The following SYNPR variants were observed in gnomAD, a reference collection of about 807,000 sequenced individuals.
SYNPR encodes the protein synaptoporin.
SYNPR carries 23 observed loss-of-function variants against 32.9 expected under a neutral mutation model. That is an observed-to-expected ratio of 0.70 (90% CI 0.50 to 0.99). SYNPR has a LOEUF of 0.99. Ranked by LOEUF, SYNPR falls within the 50% of genes least tolerant of loss-of-function variation. The pLI is 0.00. For synonymous variants in SYNPR, 146 were observed against 135.9 expected (o/e 1.07, Z -0.52); for missense variants, 318 against 349.3 (o/e 0.91, Z 0.71).
intron 4 of SYNPR, among the ~76,000 whole-genome samples, chr3:63,595,835 ATATATATAGTTT>A (rs1258885166): frequency 1.4e-5 from 1 of 73,136 alleles, no homozygotes; most frequent in Non-Finnish European, 2.5e-5. Context: ...ATATATAGTT[ATATATATAGTTT>A]TATATATATA....
In SYNPR at chr3:63,557,279, G is replaced by A. The variant is rs559243898; in HGVS notation, c.408+538G>A. ...CTAGGGGGACACAAAACCTCTAAGA[G>A]GGTACCTAGGCATAGATAATTTTAA... On this transcript the variant is annotated intron_variant, in intron 4 of 5. Transcript: ENST00000478300. 1.3e-4 allele frequency among the ~76,000 whole-genome samples: 20 copies of A among 152,194 alleles called. No homozygotes were observed. The South Asian group carries it at 3.3e-3, about 25-fold the overall frequency.
intron 2 of SYNPR, among the ~76,000 whole-genome samples, chr3:63,410,093 C>T (rs1461834940): frequency 6.6e-6 from 1 of 152,178 alleles, no homozygotes; most frequent in Non-Finnish European, 1.5e-5. Context: ...GTTAACACAG[C>T]TTCACCTTGC....
chr3:63,519,451 C>T (rs1033698065), intron 3 of SYNPR, among the ~76,000 whole-genome samples: 5 of 152,036 alleles, frequency 3.3e-5, no homozygotes, highest in African/African-American at 9.7e-5. Flanking sequence ...TCTTTTGTTC[C>T]CTGAGTTCCC....
chr3:63,531,151 A>G (rs905679256), intron 3 of SYNPR, among the ~76,000 whole-genome samples: 11 of 152,170 alleles, frequency 7.2e-5, no homozygotes, highest in African/African-American at 2.7e-4. Context: ...AGACTGTCAC[A>G]AGTATCAACA....
chr3:63,206,998 A>T, the SYNPR span, among the ~76,000 whole-genome samples: 3 of 152,346 alleles, frequency 2.0e-5, no homozygotes, highest in East Asian at 5.8e-4. Flanking sequence ...GTTGACGTGC[A>T]TGCATAAAGA....
the SYNPR span, among the ~76,000 whole-genome samples, chr3:63,216,789 G>A: frequency 1.6e-4 from 8 of 49,886 alleles, 3 homozygotes; most frequent in Admixed American, 7.0e-4. Context: ...GGTGCTCTGC[G>A]TTTTAGAGTT....
At chr3:63,415,707 T>C (rs1220568979) in intron 2 of SYNPR, among the ~76,000 whole-genome samples, 2 of 152,234 alleles carry the variant, frequency 1.3e-5, no homozygotes, top group Non-Finnish European at 2.9e-5. Flanking sequence ...TGGTGTAAGT[T>C]GCAAACACAA....
At chr3:63,250,447 A>C (rs974067029) in intron 1 of SYNPR, among the ~76,000 whole-genome samples, 3 of 152,184 alleles carry the variant, frequency 2.0e-5, no homozygotes, top group African/African-American at 7.2e-5. Context: ...TGCCTGCTAT[A>C]TACCAGGCAC....
At chr3:63,245,741 A>ATG (rs61623224) in intron 1 of SYNPR, among the ~76,000 whole-genome samples, 194 of 86,958 alleles carry the variant, frequency 2.2e-3, no homozygotes, top group East Asian at 7.3e-3. Flanking sequence ...GTGTGTGTGT[A>ATG]TGTGTGTGTG....
At chr3:63,506,682 G>C (rs150902966) in intron 3 of SYNPR, among the ~76,000 whole-genome samples, 1 of 152,066 alleles carries the variant, frequency 6.6e-6, no homozygotes. Context: ...ATCTTTTAAC[G>C]TCACACAATT....
intron 2 of SYNPR, among the ~76,000 whole-genome samples, chr3:63,355,861 G>A (rs920938580): frequency 3.9e-5 from 6 of 152,094 alleles, no homozygotes; most frequent in East Asian, 1.9e-4. Context: ...CATTGCACAC[G>A]TTCTCTTAAC....
chr3:63,555,275 A>C (rs1702575546), intron 3 of SYNPR, among the ~76,000 whole-genome samples: 1 of 151,552 alleles, frequency 6.6e-6, no homozygotes, highest in South Asian at 2.1e-4. Flanking sequence ...TTGTTTAGTA[A>C]GAAAAATACT....
intron 1 of SYNPR, among the ~76,000 whole-genome samples, chr3:63,231,395 T>A (rs932843304): frequency 1.3e-5 from 2 of 152,112 alleles, no homozygotes; most frequent in Non-Finnish European, 2.9e-5. Flanking sequence ...GCTCAGGTGA[T>A]GGGTGCACCA....
chr3:63,243,015 A>G (rs1431418431), intron 1 of SYNPR, among the ~76,000 whole-genome samples: 1 of 152,062 alleles, frequency 6.6e-6, no homozygotes, highest in Non-Finnish European at 1.5e-5. Flanking sequence ...TATAGATCCA[A>G]GGTAATGACC....
chr3:63,596,584 T>C (rs953613242), intron 4 of SYNPR, among the ~76,000 whole-genome samples: 3 of 151,944 alleles, frequency 2.0e-5, no homozygotes, highest in Non-Finnish European at 4.4e-5. Context: ...GGCCCAAGCC[T>C]CCCTTTGGTC....
intron 2 of SYNPR, among the ~76,000 whole-genome samples, chr3:63,254,662 A>G (rs1424105071): frequency 6.6e-6 from 1 of 152,146 alleles, no homozygotes; most frequent in African/African-American, 2.4e-5. Context: ...GGTCTGTCAT[A>G]TGCATTATAG....
chr3:63,334,559 G>GTGT (rs1191395038), intron 2 of SYNPR, among the ~76,000 whole-genome samples: 12 of 140,964 alleles, frequency 8.5e-5, no homozygotes, highest in African/African-American at 2.2e-4. Context: ...TGTGTGTGTG[G>GTGT]ACACACGTGG....
intron 3 of SYNPR, among the ~76,000 whole-genome samples, chr3:63,522,327 G>A (rs1435363229): frequency 1.3e-5 from 2 of 152,136 alleles, no homozygotes; most frequent in African/African-American, 4.8e-5. Flanking sequence ...CTTAGTCTGT[G>A]AGAAAAAGAA....
chr3:63,592,824 A>G (rs1240441790), intron 4 of SYNPR, among the ~76,000 whole-genome samples: 2 of 152,146 alleles, frequency 1.3e-5, no homozygotes, highest in Admixed American at 6.6e-5. Context: ...AATTTCCTGT[A>G]TCAAGACTAA....
Sources: gnomAD v4.1 joint callset for allele counts (sites outside exome capture counted in the v4.1 genomes callset) on GRCh38, gnomAD v4.1.1 for gene constraint, MANE v1.5 for transcripts, NCBI Gene and HGNC (gene_info 2026-07-23, HGNC 2026-07-21) for gene names.